SPINK5: variants seen among roughly 807,000 people sequenced by gnomAD.
SPINK5 encodes serine peptidase inhibitor Kazal type 5.
Under a neutral mutation model 151.8 loss-of-function variants are expected in SPINK5, and 125 were observed. The observed-to-expected ratio is 0.82, with a 90% CI of 0.71 to 0.96. The LOEUF is 0.96. Ranked by LOEUF, SPINK5 falls within the 40% of genes least tolerant of loss-of-function variation. The pLI is 0.00. For missense variants in SPINK5, 1,194 were observed against 1,291.9 expected, an observed-to-expected ratio of 0.92 and a Z score of 1.16; for synonymous variants, 374 against 395.3, an observed-to-expected ratio of 0.95 and a Z score of 0.64.
chr5:148,118,068 G>A (rs1754145617), intron 22 of SPINK5, among the ~76,000 whole-genome samples: 1 of 152,100 alleles, frequency 6.6e-6, no homozygotes, highest in Admixed American at 6.5e-5. Context: ...ACCCAGGCTG[G>A]AGTGCAATGG....
intron 15 of SPINK5, 100 bp downstream of exon 15, chr5:148,102,008 T>A (rs182902685): frequency 1.3e-6 from 2 of 1,553,898 alleles, no homozygotes; most frequent in Admixed American, 3.5e-5. Flanking sequence ...TCTTCTTCAG[T>A]GTAGCATTCA....
At chr5:148,135,910 G>A (rs1301709566) in intron 32 of SPINK5, among the ~76,000 whole-genome samples, 1 of 152,092 alleles carries the variant, frequency 6.6e-6, no homozygotes. Flanking sequence ...CTATTATACA[G>A]TAACTACTAA....
At chr5:148,103,034 T>C (rs750174387) in intron 15 of SPINK5, among the ~76,000 whole-genome samples, 1 of 152,140 alleles carries the variant, frequency 6.6e-6, no homozygotes, top group African/African-American at 2.4e-5. Flanking sequence ...CCAAGAATCT[T>C]AGAAAGGACT....
chr5:148,134,501 G>T (rs1754649385), intron 32 of SPINK5, among the ~76,000 whole-genome samples: 1 of 152,040 alleles, frequency 6.6e-6, no homozygotes. Context: ...TTCAGTTTTT[G>T]CTGTGCTTAT....
At chr5:148,122,281 C>A (rs1360434312) in intron 26 of SPINK5, among the ~76,000 whole-genome samples, 4 of 152,116 alleles carry the variant, frequency 2.6e-5, no homozygotes, top group Admixed American at 2.6e-4. Context: ...AAAGAAAATA[C>A]TTCCAGTAAT....
chr5:148,088,681 T>G (rs1175129745), intron 6 of SPINK5, 76 bp downstream of exon 6: 2 of 1,406,454 alleles, frequency 1.4e-6, no homozygotes, highest in Admixed American at 1.7e-5. Flanking sequence ...CTCCTCTTCC[T>G]TCTTAGGTGG....
intron 4 of SPINK5, among the ~76,000 whole-genome samples, chr5:148,076,574 C>T (rs1752886468): frequency 6.6e-6 from 1 of 151,636 alleles, no homozygotes; most frequent in Non-Finnish European, 1.5e-5. Flanking sequence ...CAAGAATATA[C>T]AACCCATACT....
chr5:148,108,523 C>A (rs1753837638), intron 17 of SPINK5, among the ~76,000 whole-genome samples: 1 of 152,030 alleles, frequency 6.6e-6, no homozygotes, highest in Admixed American at 6.6e-5. Flanking sequence ...GGGCCACAGA[C>A]TGATAAAGAT....
At chr5:148,101,941 G>A (rs754372718) in intron 15 of SPINK5, 33 bp downstream of exon 15, 1 of 1,612,870 alleles carries the variant, frequency 6.2e-7, no homozygotes, top group East Asian at 2.2e-5. Flanking sequence ...AGCGTCTGAG[G>A]ATTGAGCAGT....
chr5:148,130,569 A>C (rs1397881145), intron 30 of SPINK5, among the ~76,000 whole-genome samples: 1 of 152,118 alleles, frequency 6.6e-6, no homozygotes, highest in Admixed American at 6.5e-5. Context: ...TCATACTTCC[A>C]AAACACTACG....
chr5:148,127,534 C>T (rs548610632), intron 30 of SPINK5, among the ~76,000 whole-genome samples: 13 of 152,206 alleles, frequency 8.5e-5, no homozygotes, highest in South Asian at 4.1e-4. Context: ...ATTAGCAATT[C>T]GCAGTAGCTA....
At position 148,137,055 on chromosome 5, in the gene SPINK5, C is replaced by T. The variant is rs910584869; in HGVS notation, c.*64C>T. On this transcript the variant is annotated 3_prime_UTR_variant, in exon 33 of 33. Coordinates refer to ENST00000256084, the MANE Select transcript of SPINK5 (RefSeq NM_006846.4). ...CCCAGTTCTGAATCACCTACCTTCACCATCTGTATATACAAAGAATTCTTC... is the reference window on the plus strand; with the variant it reads ...CCCAGTTCTGAATCACCTACCTTCATCATCTGTATATACAAAGAATTCTTC... The T allele has an allele frequency of 3.1e-6, 5 of 1,589,826 alleles. No homozygotes were observed. In the Admixed American group the frequency reaches 6.7e-5, roughly 21 times the overall value.
At chr5:148,079,354 T>A (rs1445823628) in intron 4 of SPINK5, among the ~76,000 whole-genome samples, 2 of 151,158 alleles carry the variant, frequency 1.3e-5, no homozygotes, top group African/African-American at 4.8e-5. Flanking sequence ...GGAGAAATAA[T>A]ATGAATTCTT....
chr5:148,121,921 TAGCATTATTGCACTCC>T (rs1474546753), intron 26 of SPINK5, among the ~76,000 whole-genome samples: 1 of 151,704 alleles, frequency 6.6e-6, no homozygotes, highest in African/African-American at 2.4e-5. Context: ...TGAGCTATGA[TAGCATTATTGCACTCC>T]AGCCTGGGCA....
At position 148,124,785 on chromosome 5, in the gene SPINK5, GA is replaced by G; in HGVS notation, c.2693del (p.Lys898ArgfsTer26). The G allele has an allele frequency of 6.2e-7, 1 of 1,602,546 alleles. No individual in the cohort carries two copies. Among genetic ancestry groups the G allele is most frequent in the Non-Finnish European group, 8.5e-7 (1 of 1,174,708 alleles). On this transcript the variant is annotated frameshift_variant, in exon 28 of 33. Transcript: ENST00000256084. LOFTEE classifies it high-confidence loss of function. ...TGCAGTGATCGAGAAGCTAATGAAA[GA>G]AAAAAGAAAGATGAAGAGAAATCAA... is the stretch of plus-strand genomic sequence containing the variant. ...QSIFDREANE[R>X]KKKDEEKSSS...
At chr5:148,096,284 C>A (rs189740605) in intron 10 of SPINK5, among the ~76,000 whole-genome samples, 58 of 152,036 alleles carry the variant, frequency 3.8e-4, no homozygotes, top group African/African-American at 1.3e-3. Flanking sequence ...TAATGTGCTT[C>A]CTTTTAAATT....
intron 3 of SPINK5, among the ~76,000 whole-genome samples, chr5:148,070,915 G>A (rs1752722379): frequency 6.6e-6 from 1 of 152,088 alleles, no homozygotes; most frequent in African/African-American, 2.4e-5. Context: ...CCCTGATTCT[G>A]TGAGCTGCCA....
intron 30 of SPINK5, among the ~76,000 whole-genome samples, chr5:148,130,690 C>T (rs1017936518): frequency 2.0e-5 from 3 of 152,060 alleles, no homozygotes; most frequent in South Asian, 2.1e-4. Flanking sequence ...ACAGATACTG[C>T]GTTAAGCATG....
At position 148,111,855 on chromosome 5, in the gene SPINK5, A is replaced by G. The variant is rs753449179; in HGVS notation, c.1780A>G (p.Lys594Glu). 6.2e-7 allele frequency: 1 copy of G among 1,614,024 alleles called. No individual in the cohort carries two copies. The highest frequency in any genetic ancestry group is 8.5e-7 in the Non-Finnish European group (1 of 1,179,944). ...TGATCCTATTGAGGGTCTAGATGGG[A>G]AAATCCACGGCAACACCTGCTCCAT... ...ENDPIEGLDG[K>E]IHGNTCSMCE... Residue 594 changes from lysine to glutamate, a missense_variant, in exon 19 of 33, where the codon AAA (lysine) becomes GAA (glutamate). By Grantham distance (56) the Lys-to-Glu change is moderately conservative (BLOSUM62 1). Coordinates refer to ENST00000256084, the MANE Select transcript of SPINK5 (RefSeq NM_006846.4).
Sources: gnomAD v4.1 joint callset for allele counts (sites outside exome capture counted in the v4.1 genomes callset) on GRCh38, gnomAD v4.1.1 for gene constraint, MANE v1.5 for transcripts, NCBI Gene and HGNC (gene_info 2026-07-23, HGNC 2026-07-21) for gene names.